The following TPRG1 variants were observed in gnomAD, a reference collection of about 807,000 sequenced individuals.
TPRG1 encodes the protein tumor protein p63-regulated gene 1 protein.
A neutral mutation model predicts 29.3 loss-of-function variants in TPRG1; 29 were observed. The observed-to-expected ratio is 0.99, with a 90% CI of 0.74 to 1.35. TPRG1 has a LOEUF of 1.35. Ranked by LOEUF, TPRG1 falls within the 40% of genes most tolerant of loss-of-function variation. The probability of loss-of-function intolerance (pLI) is 0.00; values close to 1 mark genes in which losing one functional copy is unlikely to be tolerated. For synonymous variants in TPRG1, 130 were observed against 116.8 expected (o/e 1.11, Z -0.73); for missense variants, 327 against 335.0 (o/e 0.98, Z 0.19).
In TPRG1 at chr3:189,324,844, C is replaced by T. The variant is rs1724593036; in HGVS notation, c.*4024C>T. On this transcript the variant is annotated 3_prime_UTR_variant, in exon 6 of 6. Transcript: ENST00000345063. ...AGGTATTTGCACAGGGATGAATGCTCATTGGCTCTTGGCCAACAATTATAC... is the reference window on the plus strand; with the variant it reads ...AGGTATTTGCACAGGGATGAATGCTTATTGGCTCTTGGCCAACAATTATAC... 2 of 152,176 alleles carry T rather than the reference C, an allele frequency of 1.3e-5. No individual in the cohort carries two copies. Among genetic ancestry groups the T allele is most frequent in the Admixed American group, 1.3e-4 (2 of 15,254 alleles). The allele number at this position is 152,176 out of a possible 1,614,324, so 9.4% of individuals were successfully genotyped here.
intron 5 of TPRG1, among the ~76,000 whole-genome samples, chr3:189,166,453 A>G (rs539304666): frequency 1.3e-5 from 2 of 152,210 alleles, no homozygotes; most frequent in African/African-American, 4.8e-5. Flanking sequence ...AGCACGTCCA[A>G]ACTGCTTTAA....
chr3:189,023,829 A>G (rs925977232), exon 4 of TPRG1: 1 of 152,434 alleles, frequency 6.6e-6, no homozygotes, highest in Non-Finnish European at 1.5e-5. Context: ...CACCAGTGAA[A>G]GCTCTGAAAC....
At chr3:189,036,921 G>T (rs769573846) in intron 4 of TPRG1, among the ~76,000 whole-genome samples, 2 of 151,128 alleles carry the variant, frequency 1.3e-5, no homozygotes, top group African/African-American at 4.9e-5. Flanking sequence ...AAATTTGAAA[G>T]GTCTAAAAAT....
intron 4 of TPRG1, among the ~76,000 whole-genome samples, chr3:189,290,092 T>G: frequency 6.6e-6 from 1 of 152,216 alleles, no homozygotes; most frequent in Non-Finnish European, 1.5e-5. Context: ...CATGGCTCTA[T>G]GGCAGTGGGG....
chr3:189,196,700 TG>T (rs1237062046), intron 1 of TPRG1, among the ~76,000 whole-genome samples: 15 of 152,196 alleles, frequency 9.9e-5, no homozygotes, highest in African/African-American at 3.4e-4. Flanking sequence ...GAGATTTGGG[TG>T]GGGACACAGC....
intron 4 of TPRG1, among the ~76,000 whole-genome samples, chr3:189,264,330 T>C (rs1195004590): frequency 6.6e-6 from 1 of 152,212 alleles, no homozygotes; most frequent in Non-Finnish European, 1.5e-5. Context: ...AGTTTTTGCT[T>C]TGGGAAAGTT....
chr3:189,044,485 G>A (rs1714833896), intron 4 of TPRG1, among the ~76,000 whole-genome samples: 1 of 151,986 alleles, frequency 6.6e-6, no homozygotes. Context: ...AACCTGGGAG[G>A]TGGAGGTTGC....
intron 3 of TPRG1, among the ~76,000 whole-genome samples, chr3:189,021,487 A>G (rs1052844390): frequency 6.6e-6 from 1 of 152,024 alleles, no homozygotes; most frequent in African/African-American, 2.4e-5. Context: ...TCCTTCACTT[A>G]TGAAGCTTAG....
chr3:189,035,037 A>G (rs929099721), intron 4 of TPRG1, among the ~76,000 whole-genome samples: 8 of 152,168 alleles, frequency 5.3e-5, no homozygotes, highest in Non-Finnish European at 8.8e-5. Context: ...ACTTCAAACT[A>G]TATTACAAGG....
intron 4 of TPRG1, among the ~76,000 whole-genome samples, chr3:189,025,924 A>T (rs1185990617): frequency 6.6e-6 from 1 of 152,210 alleles, no homozygotes; most frequent in African/African-American, 2.4e-5. Flanking sequence ...TCCTCAAAAG[A>T]GATGTGTTGT....
intron 1 of TPRG1, among the ~76,000 whole-genome samples, chr3:189,204,947 TCA>T (rs35018569): frequency 0.2 from 29,458 of 146,904 alleles, 2,863 homozygotes; most frequent in Middle Eastern, 0.32. Context: ...TCTCTCTCTC[TCA>T]CACACACACA....
chr3:189,305,972 GT>G (rs1721569123), intron 4 of TPRG1, among the ~76,000 whole-genome samples: 1 of 152,192 alleles, frequency 6.6e-6, no homozygotes, highest in African/African-American at 2.4e-5. Context: ...AGGATAGAAA[GT>G]GGGAATAATT....
At chr3:189,091,213 C>A (rs1457405855) in intron 4 of TPRG1, among the ~76,000 whole-genome samples, 1 of 152,046 alleles carries the variant, frequency 6.6e-6, no homozygotes, top group Non-Finnish European at 1.5e-5. Flanking sequence ...TCTCTCCACC[C>A]CCTTTCTTCT....
intron 1 of TPRG1, among the ~76,000 whole-genome samples, chr3:189,178,190 G>A (rs1729743592): frequency 6.6e-6 from 1 of 152,178 alleles, no homozygotes; most frequent in Non-Finnish European, 1.5e-5. Flanking sequence ...CAGCTGTGAG[G>A]AAAAGGATGG....
At chr3:189,039,897 T>C (rs1714523316) in intron 4 of TPRG1, among the ~76,000 whole-genome samples, 1 of 152,090 alleles carries the variant, frequency 6.6e-6, no homozygotes, top group African/African-American at 2.4e-5. Context: ...AAGTAGCCTC[T>C]AAAGTTAAGT....
At chr3:189,312,113 C>G (rs902091740) in intron 5 of TPRG1, among the ~76,000 whole-genome samples, 2 of 73,714 alleles carry the variant, frequency 2.7e-5, no homozygotes, top group African/African-American at 1.4e-4. Flanking sequence ...TTGTTTCTTT[C>G]TTTGTTTCTT....
intron 1 of TPRG1, among the ~76,000 whole-genome samples, chr3:189,105,806 A>G (rs796426500): frequency 1.6e-4 from 24 of 152,306 alleles, no homozygotes; most frequent in African/African-American, 5.8e-4. Context: ...TTAGAAGCTT[A>G]CTTTGGATAT....
At chr3:189,145,362 A>AAAAAAAAAAAAAAC (rs1725120922) in intron 3 of TPRG1, among the ~76,000 whole-genome samples, 2 of 150,786 alleles carry the variant, frequency 1.3e-5, no homozygotes, top group Non-Finnish European at 3.0e-5. Context: ...CTCCATCTAA[A>AAAAAAAAAAAAAAC]AAAAAAAAAA....
intron 4 of TPRG1, among the ~76,000 whole-genome samples, chr3:189,281,662 T>A (rs1049185998): frequency 2.6e-5 from 4 of 152,300 alleles, no homozygotes; most frequent in Non-Finnish European, 4.4e-5. Flanking sequence ...TTCATCTTTC[T>A]TAATGTATAA....
Sources: allele counts gnomAD v4.1 joint callset (sites outside exome capture counted in the v4.1 genomes callset), GRCh38; gene constraint gnomAD v4.1.1; transcripts MANE v1.5; gene names NCBI Gene and HGNC (gene_info 2026-07-23, HGNC 2026-07-21).